The following KALRN variants were observed in gnomAD, a reference collection of about 807,000 sequenced individuals.
KALRN encodes kalirin.
Under a neutral mutation model 353.7 loss-of-function variants are expected in KALRN, and 70 were observed. That is an observed-to-expected ratio of 0.20 (90% CI 0.16 to 0.24). KALRN has a LOEUF of 0.24. Among genes scored for constraint, KALRN ranks in the 10% least tolerant of loss-of-function variants. The pLI, the probability that KALRN is intolerant of heterozygous loss-of-function variation, is 1.00. For missense variants in KALRN, 2,791 were observed against 3,756.7 expected (o/e 0.74, Z 6.72); for synonymous variants, 1,391 against 1,434.8 (o/e 0.97, Z 0.69).
In KALRN at chr3:124,269,081, A is replaced by G. The variant is rs2073878409; in HGVS notation, c.795A>G (p.Ser265=). 3.7e-6 allele frequency: 6 copies of G among 1,612,328 alleles called. No homozygotes were observed. The highest frequency in any genetic ancestry group is 1.3e-5 in the African/African-American group (1 of 74,904). The change falls in exon 5 of 60, where the codon TCA becomes TCG. Residue 265 remains serine (S), a synonymous_variant. Coordinates refer to ENST00000682506, the MANE Select transcript of KALRN (RefSeq NM_001388419.1). The part of the protein sequence containing the change: ...LQCIRCSDGF[S]GRNCIPGSAD... ...GCATCCGCTGCAGCGACGGCTTCTC[A>G]GGACGCAACTGCATCCCGGGCAGTG...
chr3:124,297,635 T>C (rs2076949872), intron 5 of KALRN, among the ~76,000 whole-genome samples: 1 of 152,250 alleles, frequency 6.6e-6, no homozygotes, highest in Admixed American at 6.5e-5. Flanking sequence ...TCTTCAAATA[T>C]TTAAAGGGCT....
intron 3 of KALRN, among the ~76,000 whole-genome samples, chr3:124,247,759 A>G (rs559026778): frequency 5.3e-4 from 81 of 152,210 alleles, no homozygotes; most frequent in African/African-American, 1.7e-3. Flanking sequence ...TTCTCTCAAC[A>G]TGGAAGATGA....
At position 124,268,720 on chromosome 3, in the gene KALRN, T is replaced by C. The variant is rs749872229; in HGVS notation, c.457-23T>C. The C allele has an allele frequency of 6.8e-6, 11 of 1,612,078 alleles. No homozygotes were observed. The South Asian group carries it at 1.1e-4, about 16-fold the overall frequency. Reference sequence around the variant, plus strand: ...CTTCCCCTGACATCACTGAGTATCCTTGTCTGTGTCTGCCCCTTCCAGACG... The same window carrying C: ...CTTCCCCTGACATCACTGAGTATCCCTGTCTGTGTCTGCCCCTTCCAGACG... On this transcript the variant is annotated intron_variant, in intron 4 of 59. Transcript: ENST00000682506.
At chr3:124,394,842 G>A (rs879654280) in intron 11 of KALRN, among the ~76,000 whole-genome samples, 16 of 152,142 alleles carry the variant, frequency 1.1e-4, no homozygotes, top group Non-Finnish European at 1.8e-4. Context: ...GTGTCTCAAA[G>A]ATGACTGATC....
At chr3:124,244,441 T>C (rs2080875906) in intron 3 of KALRN, among the ~76,000 whole-genome samples, 1 of 152,166 alleles carries the variant, frequency 6.6e-6, no homozygotes, top group Non-Finnish European at 1.5e-5. Context: ...TTCACTATGT[T>C]GGGCAGGCTG....
intron 1 of KALRN, among the ~76,000 whole-genome samples, chr3:124,187,770 G>A (rs961635977): frequency 6.6e-6 from 1 of 152,194 alleles, no homozygotes; most frequent in Non-Finnish European, 1.5e-5. Context: ...GATTTCTGTT[G>A]TAAGTGATTA....
chr3:124,047,185 T>G (rs1192657302), intron 1 of KALRN, among the ~76,000 whole-genome samples: 2 of 152,174 alleles, frequency 1.3e-5, no homozygotes, highest in African/African-American at 4.8e-5. Flanking sequence ...GTAGGAAAGT[T>G]CAAACATGCA....
chr3:124,594,215 C>G (rs2076063047), intron 34 of KALRN, among the ~76,000 whole-genome samples: 1 of 152,136 alleles, frequency 6.6e-6, no homozygotes, highest in Non-Finnish European at 1.5e-5. Context: ...ACATCTTTCC[C>G]TATGGATGCA....
At chr3:124,519,804 C>T in intron 33 of KALRN, 1 of 985,306 alleles carries the variant, frequency 1.0e-6, no homozygotes, top group Non-Finnish European at 1.2e-6. Flanking sequence ...GTCTTTTTTC[C>T]GTATGTCACT....
chr3:124,308,847 C>T (rs1287740192), intron 6 of KALRN, among the ~76,000 whole-genome samples: 2 of 151,180 alleles, frequency 1.3e-5, no homozygotes, highest in Non-Finnish European at 3.0e-5. Context: ...AATAGGAAAA[C>T]AATAGAGAAA....
rs932789714 is a variant in KALRN at position 124,160,285 on chromosome 3, G to A, written c.74-67705G>A. 1.3e-4 allele frequency among the ~76,000 whole-genome samples: 20 copies of A among 151,956 alleles called. 1 individual carries two copies. Among genetic ancestry groups the A allele is most frequent in the African/African-American group, 4.8e-4 (20 of 41,360 alleles). ...GCACTCAGGGCAGCCTCAGGATGAT[G>A]GGAAGCCATGGGCCAAGCCATCCCT... On this transcript the variant is annotated intron_variant, in intron 1 of 59. Coordinates refer to ENST00000682506, the MANE Select transcript of KALRN (RefSeq NM_001388419.1).
intron 37 of KALRN, among the ~76,000 whole-genome samples, 163 bp downstream of exon 37, chr3:124,637,466 C>T (rs555771334): frequency 6.6e-6 from 1 of 152,272 alleles, no homozygotes; most frequent in Non-Finnish European, 1.5e-5. Flanking sequence ...TCCTTTTTGA[C>T]TTTGTTTGGG....
At chr3:124,405,463 CA>C (rs982757118) in intron 13 of KALRN, among the ~76,000 whole-genome samples, 3 of 151,980 alleles carry the variant, frequency 2.0e-5, no homozygotes, top group Non-Finnish European at 2.9e-5. Flanking sequence ...AATGAGTGAG[CA>C]ATATACGTTA....
intron 23 of KALRN, among the ~76,000 whole-genome samples, chr3:124,458,931 C>A (rs1290450525): frequency 6.6e-6 from 1 of 151,758 alleles, no homozygotes; most frequent in Admixed American, 6.6e-5. Context: ...AAGAATCCAT[C>A]TCAAAATAAA....
At chr3:124,666,959 T>TG (rs1280505766) in intron 46 of KALRN, 53 bp from the exon 47 acceptor site, 30 of 1,538,186 alleles carry the variant, frequency 2.0e-5, no homozygotes, top group African/African-American at 2.8e-5. Context: ...AATATGTTGC[T>TG]GATTTTTAAA....
chr3:124,591,267 T>C (rs1010311944), intron 34 of KALRN, among the ~76,000 whole-genome samples: 2 of 152,244 alleles, frequency 1.3e-5, no homozygotes, highest in African/African-American at 4.8e-5. Context: ...TTCAACTTAA[T>C]TCAGGTCCCT....
chr3:124,196,886 A>G (rs1001171683), intron 1 of KALRN, among the ~76,000 whole-genome samples: 1 of 152,048 alleles, frequency 6.6e-6, no homozygotes, highest in Admixed American at 6.6e-5. Flanking sequence ...AAGTAATAAT[A>G]CTAGGAGGCA....
chr3:124,301,201 T>C (rs1470270491), intron 6 of KALRN, among the ~76,000 whole-genome samples: 1 of 152,246 alleles, frequency 6.6e-6, no homozygotes, highest in African/African-American at 2.4e-5. Flanking sequence ...TCTGTAATTA[T>C]CTTTGAATTA....
intron 34 of KALRN, among the ~76,000 whole-genome samples, chr3:124,580,702 C>G (rs1049453359): frequency 5.9e-5 from 9 of 152,142 alleles, no homozygotes; most frequent in Non-Finnish European, 1.2e-4. Context: ...TTTTTGTTCA[C>G]CAATGTAGAC....
Sources: allele counts gnomAD v4.1 joint callset (sites outside exome capture counted in the v4.1 genomes callset), GRCh38; gene constraint gnomAD v4.1.1; transcripts MANE v1.5; gene names NCBI Gene and HGNC (gene_info 2026-07-23, HGNC 2026-07-21).